YPEL2: variants seen among roughly 807,000 people sequenced by gnomAD.
The protein encoded by YPEL2 is yippee like 2.
In YPEL2, 2 loss-of-function variants were observed where a neutral mutation model predicts 19.1. The observed-to-expected ratio is 0.10, with a 90% CI of 0.04 to 0.33. The LOEUF (loss-of-function observed/expected upper bound fraction) is 0.33. Among genes scored for constraint, YPEL2 ranks in the 10% least tolerant of loss-of-function variants. YPEL2 has a pLI of 1.00. For synonymous variants in YPEL2, 52 were observed against 50.0 expected (o/e 1.04, Z -0.17); for missense variants, 66 against 140.7 (o/e 0.47, Z 2.68).
At chr17:59,341,733 G>A (rs1302424660) in intron 1 of YPEL2, among the ~76,000 whole-genome samples, 11 of 152,314 alleles carry the variant, frequency 7.2e-5, no homozygotes, top group South Asian at 2.1e-4. Context: ...TCAGAGGCAC[G>A]TGGTGGAAGC....
chr17:59,372,943 G>A (rs150324404), intron 2 of YPEL2, among the ~76,000 whole-genome samples: 1,705 of 152,218 alleles, frequency 0.011, 20 homozygotes, highest in Non-Finnish European at 0.02. Flanking sequence ...GCATGGTCTC[G>A]GCTCACTGCA....
At chr17:59,373,420 C>T (rs933559576) in intron 2 of YPEL2, among the ~76,000 whole-genome samples, 6 of 152,144 alleles carry the variant, frequency 3.9e-5, no homozygotes, top group African/African-American at 1.4e-4. Context: ...TGTGATCAGC[C>T]CTCCTACAGC....
chr17:59,333,421 G>C (rs55970364), intron 1 of YPEL2, among the ~76,000 whole-genome samples: 37,510 of 152,116 alleles, frequency 0.25, 4,830 homozygotes, highest in East Asian at 0.41. Flanking sequence ...CCAAAATCAA[G>C]AAGCTTAGAG....
At chr17:59,394,713 G>C (rs1214337450) in intron 4 of YPEL2, among the ~76,000 whole-genome samples, 1 of 152,038 alleles carries the variant, frequency 6.6e-6, no homozygotes, top group South Asian at 2.1e-4. Flanking sequence ...CTGCAATCTC[G>C]GCACTTTGGG....
intron 2 of YPEL2, among the ~76,000 whole-genome samples, chr17:59,378,144 A>T (rs892269554): frequency 6.6e-6 from 1 of 152,028 alleles, no homozygotes; most frequent in Non-Finnish European, 1.5e-5. Context: ...ACACGACACC[A>T]TGAGGCAACA....
At chr17:59,343,886 C>G (rs1012929224) in intron 1 of YPEL2, among the ~76,000 whole-genome samples, 1 of 152,072 alleles carries the variant, frequency 6.6e-6, no homozygotes, top group Non-Finnish European at 1.5e-5. Context: ...GGGAAGCTGT[C>G]GCAGTAGTCC....
At chr17:59,360,604 T>C (rs956330709) in intron 2 of YPEL2, among the ~76,000 whole-genome samples, 4 of 152,236 alleles carry the variant, frequency 2.6e-5, no homozygotes, top group Admixed American at 6.5e-5. Context: ...TTGGCTCTTT[T>C]GTACTCCTCT....
intron 2 of YPEL2, among the ~76,000 whole-genome samples, chr17:59,382,444 C>T (rs1268620226): frequency 6.6e-6 from 1 of 152,212 alleles, no homozygotes; most frequent in Non-Finnish European, 1.5e-5. Context: ...TAGGCCCAGC[C>T]TGGAAGCAGA....
intron 2 of YPEL2, among the ~76,000 whole-genome samples, chr17:59,371,313 C>G (rs1422520439): frequency 6.6e-6 from 1 of 152,232 alleles, no homozygotes; most frequent in African/African-American, 2.4e-5. Flanking sequence ...ATAGTGGGCT[C>G]TGCAGCTCCC....
intron 2 of YPEL2, among the ~76,000 whole-genome samples, chr17:59,373,391 C>T (rs1010329961): frequency 1.3e-5 from 2 of 152,316 alleles, no homozygotes; most frequent in East Asian, 1.9e-4. Context: ...CTTACTTCCT[C>T]TTCATGAAAG....
chr17:59,338,280 G>C (rs370952950), intron 1 of YPEL2, among the ~76,000 whole-genome samples: 1 of 152,188 alleles, frequency 6.6e-6, no homozygotes, highest in African/African-American at 2.4e-5. Flanking sequence ...TGCCACTGAG[G>C]CTCAAACATG....
chr17:59,379,401 T>G (rs2047937672), intron 2 of YPEL2, among the ~76,000 whole-genome samples: 1 of 152,190 alleles, frequency 6.6e-6, no homozygotes, highest in Admixed American at 6.5e-5. Flanking sequence ...GACCCTTCCC[T>G]GCAGAATGTG....
intron 2 of YPEL2, among the ~76,000 whole-genome samples, chr17:59,360,028 T>G (rs1402629155): frequency 1.3e-5 from 2 of 152,164 alleles, no homozygotes; most frequent in African/African-American, 4.8e-5. Context: ...GCCTTCTGAG[T>G]AGCTGGGATT....
chr17:59,383,629 T>TAG (rs1351546548), intron 2 of YPEL2, among the ~76,000 whole-genome samples: 1 of 99,040 alleles, frequency 1.0e-5, no homozygotes, highest in Non-Finnish European at 2.0e-5. Context: ...TATATATATA[T>TAG]ATATATATAT....
At chr17:59,338,539 A>C (rs1318583751) in intron 1 of YPEL2, among the ~76,000 whole-genome samples, 2 of 152,226 alleles carry the variant, frequency 1.3e-5, no homozygotes, top group East Asian at 3.8e-4. Flanking sequence ...GGATTTACAC[A>C]TACAGAAACA....
At chr17:59,346,352 C>T (rs950418313) in intron 1 of YPEL2, among the ~76,000 whole-genome samples, 4 of 152,168 alleles carry the variant, frequency 2.6e-5, no homozygotes, top group Non-Finnish European at 5.9e-5. Flanking sequence ...TAAACCTAGA[C>T]CAGCAGTGTA....
intron 4 of YPEL2, among the ~76,000 whole-genome samples, chr17:59,392,677 A>AT (rs1394320492): frequency 2.0e-5 from 3 of 151,066 alleles, no homozygotes; most frequent in Non-Finnish European, 3.0e-5. Context: ...CGCCCAGCTA[A>AT]TTTTTTTTCT....
At chr17:59,334,865 T>C (rs2047691441) in intron 1 of YPEL2, among the ~76,000 whole-genome samples, 2 of 151,978 alleles carry the variant, frequency 1.3e-5, no homozygotes, top group African/African-American at 4.8e-5. Flanking sequence ...TTTGAGCATA[T>C]GGAGAAAAGA....
chr17:59,375,378 T>C (rs954163792), intron 2 of YPEL2, among the ~76,000 whole-genome samples: 3 of 152,226 alleles, frequency 2.0e-5, no homozygotes, highest in Non-Finnish European at 4.4e-5. Context: ...CAGTATTCTT[T>C]GCTAGTTCTT....
Sources: allele counts gnomAD v4.1 joint callset (sites outside exome capture counted in the v4.1 genomes callset), GRCh38; gene constraint gnomAD v4.1.1; transcripts MANE v1.5; gene names NCBI Gene and HGNC (gene_info 2026-07-23, HGNC 2026-07-21).